The following EXD2 variants were observed in gnomAD, a reference collection of about 807,000 sequenced individuals.
EXD2 encodes the protein exonuclease 3'-5' domain containing 2, also known as exonuclease 3'-5' domain-containing protein 2.
EXD2 carries 40 observed loss-of-function variants against 62.5 expected under a neutral mutation model. The ratio of observed to expected loss-of-function variants is 0.64; its 90% CI spans 0.50 to 0.83. EXD2 has a LOEUF of 0.83. EXD2 is among the 40% of genes least tolerant of loss of function. EXD2 has a pLI of 0.00. For synonymous variants in EXD2, 239 were observed against 291.9 expected (o/e 0.82, Z 1.85); for missense variants, 671 against 761.8 (o/e 0.88, Z 1.40).
At position 69,242,184 on chromosome 14, in the gene EXD2, A is replaced by T. The variant is rs2043999082; in HGVS notation, c.*1084A>T. The T allele has an allele frequency of 2.5e-6, 1 of 397,124 alleles. No individual in the cohort carries two copies. The highest frequency in any genetic ancestry group is 4.4e-5 in the Admixed American group (1 of 22,690). The allele number at this position is 397,124 out of a possible 1,614,324, so 24.6% of individuals were successfully genotyped here. ...ATTACTTTGAGTATAAAATCGACTT[A>T]TTAATGATTAGTAATTTTTCTAAAG... is the stretch of plus-strand genomic sequence containing the variant. On this transcript the variant is annotated 3_prime_UTR_variant, in exon 10 of 10. Transcript: ENST00000685843.
At chr14:69,216,134 T>A (rs1429442919) in intron 3 of EXD2, among the ~76,000 whole-genome samples, 2 of 152,188 alleles carry the variant, frequency 1.3e-5, no homozygotes, top group Non-Finnish European at 2.9e-5. Context: ...TTGTATATGA[T>A]GTGTGGTAGG....
At chr14:69,197,185 C>T (rs2042235312) in intron 1 of EXD2, among the ~76,000 whole-genome samples, 1 of 152,110 alleles carries the variant, frequency 6.6e-6, no homozygotes, top group African/African-American at 2.4e-5. Flanking sequence ...TGCATCACTG[C>T]ACTGCAGCCT....
chr14:69,209,569 G>C lies in EXD2; in HGVS notation c.99G>C (p.Arg33Ser), dbSNP rs760048337. ...VLWKGIQRRR[R>S]SKTSPVTQQP... Reference sequence around the variant, plus strand: ...GGAAAGGCATCCAGCGCCGCCGAAGGAGTAAAACGAGTCCTGTGACCCAAC... The same window carrying C: ...GGAAAGGCATCCAGCGCCGCCGAAGCAGTAAAACGAGTCCTGTGACCCAAC... The change falls in exon 3 of 10, where the codon AGG becomes AGC. Residue 33 changes from arginine (R) to serine (S), a missense_variant. Coordinates refer to ENST00000685843, the MANE Select transcript of EXD2 (RefSeq NM_001193360.2). 6.4e-7 allele frequency: 1 copy of C among 1,550,538 alleles called. No individual in the cohort carries two copies.
At chr14:69,209,286 A>C in intron 2 of EXD2, 138 bp from the exon 3 acceptor site, 1 of 472,112 alleles carries the variant, frequency 2.1e-6, no homozygotes, top group South Asian at 4.4e-5. Context: ...CATTGCTACT[A>C]TTTCACATGG....
At chr14:69,223,421 G>T (rs1015721448) in intron 3 of EXD2, among the ~76,000 whole-genome samples, 1 of 152,146 alleles carries the variant, frequency 6.6e-6, no homozygotes, top group African/African-American at 2.4e-5. Context: ...TCTCTCAGAG[G>T]GTTGTCCAAC....
chr14:69,216,298 A>G (rs761413659), intron 3 of EXD2, among the ~76,000 whole-genome samples: 2 of 152,120 alleles, frequency 1.3e-5, no homozygotes, highest in Non-Finnish European at 2.9e-5. Flanking sequence ...TTGATTGTCT[A>G]ATTTTCTGTT....
intron 4 of EXD2, among the ~76,000 whole-genome samples, chr14:69,229,506 A>G (rs1396075120): frequency 6.6e-6 from 1 of 152,192 alleles, no homozygotes; most frequent in Non-Finnish European, 1.5e-5. Flanking sequence ...GCTGGGTAGC[A>G]TATGTGCCCT....
intron 3 of EXD2, among the ~76,000 whole-genome samples, chr14:69,228,438 C>T (rs887434294): frequency 6.6e-6 from 1 of 152,076 alleles, no homozygotes; most frequent in Non-Finnish European, 1.5e-5. Flanking sequence ...GTGATCCGCC[C>T]GCCTTGGCCT....
intron 3 of EXD2, among the ~76,000 whole-genome samples, chr14:69,226,789 T>C (rs1773382452): frequency 1.3e-5 from 2 of 152,110 alleles, no homozygotes; most frequent in South Asian, 4.2e-4. Flanking sequence ...TTTTTTTTTT[T>C]TTTAACAGCA....
At chr14:69,193,293 G>T (rs537393998) in intron 1 of EXD2, among the ~76,000 whole-genome samples, 7 of 152,190 alleles carry the variant, frequency 4.6e-5, no homozygotes, top group African/African-American at 1.7e-4. Context: ...TCCTAAACTC[G>T]AGTGATCCGC....
At chr14:69,238,426 G>C (rs2043872613) in intron 9 of EXD2, among the ~76,000 whole-genome samples, 1 of 152,024 alleles carries the variant, frequency 6.6e-6, no homozygotes, top group Non-Finnish European at 1.5e-5. Context: ...GATATACAAT[G>C]GCATAGTATT....
chr14:69,214,934 T>C (rs2042939763), intron 3 of EXD2, among the ~76,000 whole-genome samples: 2 of 152,114 alleles, frequency 1.3e-5, no homozygotes, highest in Non-Finnish European at 2.9e-5. Flanking sequence ...GGTATAAATA[T>C]ACCATGACTT....
intron 2 of EXD2, among the ~76,000 whole-genome samples, chr14:69,206,456 T>TTTTTTTTTTTTTTTTTTTTTTTTTTTTTC (rs2042602768): frequency 3.3e-5 from 1 of 30,196 alleles, no homozygotes; most frequent in African/African-American, 2.1e-4. Flanking sequence ...ACCCACCCAC[T>TTTTTTTTTTTTTTTTTTTTTTTTTTTTTC]TTTTTTTTTT....
chr14:69,227,761 G>C (rs2043412427), intron 3 of EXD2, among the ~76,000 whole-genome samples: 1 of 152,094 alleles, frequency 6.6e-6, no homozygotes, highest in Non-Finnish European at 1.5e-5. Context: ...TTGAACTCGG[G>C]AGGCGGAGGT....
intron 3 of EXD2, among the ~76,000 whole-genome samples, chr14:69,218,575 T>C (rs940662026): frequency 6.6e-6 from 1 of 152,194 alleles, no homozygotes; most frequent in East Asian, 1.9e-4. Context: ...CCATTGCTTT[T>C]GGTGTTTTAG....
intron 1 of EXD2, among the ~76,000 whole-genome samples, chr14:69,202,586 A>G (rs768775456): frequency 1.7e-4 from 26 of 152,246 alleles, no homozygotes; most frequent in Admixed American, 2.6e-4. Context: ...TGTCTGACTT[A>G]TATAATGTGT....
chr14:69,240,836 A>G (rs1468198417), intron 9 of EXD2, 48 bp from the exon 10 acceptor site: 2 of 1,555,868 alleles, frequency 1.3e-6, no homozygotes, highest in Middle Eastern at 2.0e-4. Flanking sequence ...CTGTGAGGCC[A>G]TCCTGCGCTT....
At chr14:69,217,696 C>G (rs907870294) in intron 3 of EXD2, among the ~76,000 whole-genome samples, 2 of 152,122 alleles carry the variant, frequency 1.3e-5, no homozygotes, top group Non-Finnish European at 2.9e-5. Context: ...CCCCTCCCCC[C>G]ACTCCATGAC....
chr14:69,214,095 T>A (rs2042914037), intron 3 of EXD2: 1 of 152,186 alleles, frequency 6.6e-6, no homozygotes, highest in Non-Finnish European at 1.5e-5. Context: ...AGTTTATCAT[T>A]TTCAGGATAG....
Sources: allele counts gnomAD v4.1 joint callset (sites outside exome capture counted in the v4.1 genomes callset), GRCh38; gene constraint gnomAD v4.1.1; transcripts MANE v1.5; gene names NCBI Gene and HGNC (gene_info 2026-07-23, HGNC 2026-07-21).